Variants in KLHL31 observed in about 807,000 individuals in gnomAD.
The protein encoded by KLHL31 is kelch-like protein 31.
KLHL31 carries 32 observed loss-of-function variants against 47.1 expected under a neutral mutation model. That is an observed-to-expected ratio of 0.68 (90% CI 0.51 to 0.91). KLHL31 has a LOEUF of 0.91. KLHL31 is among the 40% of genes least tolerant of loss of function. KLHL31 has a pLI of 0.00. For synonymous variants in KLHL31, 330 were observed against 325.1 expected (o/e 1.01, Z -0.16); for missense variants, 797 against 819.3 (o/e 0.97, Z 0.33).
chr6:53,657,373 C>T (rs964396082), intron 1 of KLHL31, among the ~76,000 whole-genome samples: 4 of 152,184 alleles, frequency 2.6e-5, no homozygotes, highest in African/African-American at 9.7e-5. Context: ...CCAGCTCCAA[C>T]ATAACACTAT....
intron 1 of KLHL31, among the ~76,000 whole-genome samples, chr6:53,658,233 T>C (rs1041184170): frequency 2.6e-5 from 4 of 151,774 alleles, no homozygotes; most frequent in South Asian, 2.1e-4. Context: ...AGAGAAAATT[T>C]TGGGGGGAAA....
chr6:53,654,451 G>A lies in KLHL31; in HGVS notation c.822C>T (p.Ser274=), dbSNP rs1378971513. The A allele has an allele frequency of 8.7e-6, 14 of 1,613,988 alleles. No individual in the cohort carries two copies. Among genetic ancestry groups the A allele is most frequent in the East Asian group, 4.5e-5 (2 of 44,898 alleles). Residue 274 remains serine (S), a synonymous_variant, in exon 2 of 3, where the codon TCC becomes TCT. Coordinates refer to ENST00000370905, the MANE Select transcript of KLHL31 (RefSeq NM_001003760.5). ...CAGCATCTTGCATCATTCTTGGTAC[G>A]GATTGAACATAATTGACCAGGTCTT... The part of the protein sequence containing the change: ...SAQDLVNYVQ[S]VPRMMQDADC...
At chr6:53,658,853 C>A (rs1764609205) in intron 1 of KLHL31, among the ~76,000 whole-genome samples, 1 of 152,062 alleles carries the variant, frequency 6.6e-6, no homozygotes, top group African/African-American at 2.4e-5. Flanking sequence ...AATAGGATGA[C>A]AATGAAAATA....
chr6:53,655,456 T>G (rs769781903), intron 1 of KLHL31, among the ~76,000 whole-genome samples, 151 bp from the exon 2 acceptor site: 1 of 152,226 alleles, frequency 6.6e-6, no homozygotes, highest in Non-Finnish European at 1.5e-5. Flanking sequence ...TTAAACTAGA[T>G]GTACATTTTA....
chr6:53,650,532 T>A lies in KLHL31; in HGVS notation c.*1066A>T, dbSNP rs1158625703. 1.3e-5 allele frequency: 2 copies of A among 152,234 alleles called. No homozygotes were observed. Among genetic ancestry groups the A allele is most frequent in the East Asian group, 3.8e-4 (2 of 5,204 alleles). 9.4% of individuals were successfully genotyped at this position (152,234 alleles called of 1,614,324 possible). A position where few individuals can be genotyped will look rare whatever the true frequency, so the allele number is the denominator to read the frequency against. The stretch of plus-strand genomic sequence containing the variant: ...CAGGAGAACCCATTCATCCAGTTAC[T>A]ACCAAATCTACAAATTCCAAATGTT... On this transcript the variant is annotated 3_prime_UTR_variant, in exon 3 of 3. Coordinates refer to ENST00000370905, the MANE Select transcript of KLHL31 (RefSeq NM_001003760.5).
chr6:53,664,690 A>G (rs1318818708), intron 1 of KLHL31, among the ~76,000 whole-genome samples: 3 of 152,214 alleles, frequency 2.0e-5, no homozygotes, highest in African/African-American at 7.2e-5. Flanking sequence ...GGAGTCCACA[A>G]CAGGGTAAAC....
chr6:53,648,809 T>G lies in KLHL31; in HGVS notation c.*2789A>C, dbSNP rs2127366622. 6.6e-6 allele frequency: 1 copy of G among 152,298 alleles called. No homozygotes were observed. Among genetic ancestry groups the G allele is most frequent in the East Asian group, 1.9e-4 (1 of 5,194 alleles). The allele number at this position is 152,298 out of a possible 1,614,324, so 9.4% of individuals were successfully genotyped here. A position where few individuals can be genotyped will look rare whatever the true frequency, so the allele number is the denominator to read the frequency against. On this transcript the variant is annotated 3_prime_UTR_variant, in exon 3 of 3. Transcript: ENST00000370905. The stretch of plus-strand genomic sequence containing the variant: ...CTAACTAAAAATGGACAAAGTATGT[T>G]AAAGTTTGGCTTCCTGGAGACTTTC...
Position 53,652,071 on chromosome 6 carries a change from C to T in KLHL31, c.1432G>A (p.Ala478Thr). 2 of 1,596,942 alleles carry T rather than the reference C, an allele frequency of 1.3e-6. No individual in the cohort carries two copies. Among genetic ancestry groups the T allele is most frequent in the Non-Finnish European group, 1.7e-6 (2 of 1,176,798 alleles). ...TAGGCGCACACAGAGCGCGAGTAGG[C>T]GTTGGCTATGTAGCCTCCGGTCACC... is the stretch of plus-strand genomic sequence containing the variant. ...VLVTGGYIANAYSRSVCAYDP... is the reference protein window; with the variant it reads ...VLVTGGYIANTYSRSVCAYDP... The change falls in exon 3 of 3, where the codon GCC becomes ACC. Residue 478 changes from alanine to threonine, a missense_variant. Coordinates refer to ENST00000370905, the MANE Select transcript of KLHL31 (RefSeq NM_001003760.5).
chr6:53,664,839 C>T (rs747997850), intron 1 of KLHL31, among the ~76,000 whole-genome samples: 24 of 152,248 alleles, frequency 1.6e-4, no homozygotes, highest in African/African-American at 2.4e-4. Context: ...CTGCATCTGT[C>T]GGGGCTCATC....
chr6:53,656,826 A>G (rs1464856029), intron 1 of KLHL31, among the ~76,000 whole-genome samples: 2 of 152,274 alleles, frequency 1.3e-5, no homozygotes, highest in South Asian at 2.1e-4. Context: ...TCCAGAAGCT[A>G]TAAAAGAAAA....
chr6:53,657,288 A>G (rs1004135825), intron 1 of KLHL31, among the ~76,000 whole-genome samples: 8 of 152,284 alleles, frequency 5.3e-5, no homozygotes, highest in Admixed American at 5.2e-4. Flanking sequence ...ACTGATTTCA[A>G]GCTATCAACT....
chr6:53,651,728 T>C lies in KLHL31; in HGVS notation c.1775A>G (p.Asn592Ser), dbSNP rs952913141. Residue 592 changes from asparagine (N) to serine (S), a missense_variant, in exon 3 of 3, where the codon AAC becomes AGC. Coordinates refer to ENST00000370905, the MANE Select transcript of KLHL31 (RefSeq NM_001003760.5). ...TAGCTCGTCGTCCTCCGTCCACTCG[T>C]TGAGCTCGGGGCTGAAGCACTGGAT... is the stretch of plus-strand genomic sequence containing the variant. The part of the protein sequence containing the change: ...KCIQCFSPEL[N>S]EWTEDDELPE... 1 of 1,614,202 alleles carries C rather than the reference T, an allele frequency of 6.2e-7. No individual in the cohort carries two copies.
At chr6:53,660,150 A>G (rs1183581505) in intron 1 of KLHL31, among the ~76,000 whole-genome samples, 2 of 152,144 alleles carry the variant, frequency 1.3e-5, no homozygotes, top group African/African-American at 4.8e-5. Context: ...GTGTCCTTCT[A>G]TAATTCACAT....
intron 1 of KLHL31, among the ~76,000 whole-genome samples, chr6:53,658,569 C>T (rs1041525381): frequency 1.3e-5 from 2 of 151,752 alleles, no homozygotes; most frequent in African/African-American, 4.8e-5. Context: ...GATAATAGAC[C>T]GAGGAGAGGG....
At chr6:53,665,038 A>C (rs910155163) in intron 1 of KLHL31, among the ~76,000 whole-genome samples, 9 of 150,946 alleles carry the variant, frequency 6.0e-5, no homozygotes, top group Admixed American at 1.3e-4. Flanking sequence ...TTTTAGCCAA[A>C]TAACAAATTT....
At chr6:53,664,532 G>T (rs368529017) in intron 1 of KLHL31, among the ~76,000 whole-genome samples, 1 of 152,284 alleles carries the variant, frequency 6.6e-6, no homozygotes, top group African/African-American at 2.4e-5. Context: ...TCTGTAAGTG[G>T]GCAAGTCCAT....
At position 53,655,305 on chromosome 6, in the gene KLHL31, G is replaced by T. The variant is rs778272996; in HGVS notation, c.-33C>A. 3 of 1,377,114 alleles carry T rather than the reference G, an allele frequency of 2.2e-6. No individual in the cohort carries two copies. Among genetic ancestry groups the T allele is most frequent in the Admixed American group, 2.6e-5 (1 of 38,416 alleles). The allele number at this position is 1,377,114 out of a possible 1,614,324, so 85.3% of individuals were successfully genotyped here. A position where few individuals can be genotyped will look rare whatever the true frequency, so the allele number is the denominator to read the frequency against. ...AATACACTGTTACAGGCAAGAGCTT[G>T]CTAAAAAGAGAAAAAAAAAAACATG... On this transcript the variant is annotated splice_region_variant and 5_prime_UTR_variant, in exon 2 of 3. Transcript: ENST00000370905.
rs2127367094 is a variant in KLHL31, at chr6:53,650,533, A to ACCAAATCTACAAAT, written c.*1051_*1064dup. 1 of 152,362 alleles carries ACCAAATCTACAAAT rather than the reference A, an allele frequency of 6.6e-6. No homozygotes were observed. The highest frequency in any genetic ancestry group is 1.9e-4 in the East Asian group (1 of 5,192). The allele number at this position is 152,362 out of a possible 1,614,324, so 9.4% of individuals were successfully genotyped here. A position where few individuals can be genotyped will look rare whatever the true frequency, so the allele number is the denominator to read the frequency against. Reference sequence around the variant, plus strand: ...AGGAGAACCCATTCATCCAGTTACTACCAAATCTACAAATTCCAAATGTTT... The same window carrying ACCAAATCTACAAAT: ...AGGAGAACCCATTCATCCAGTTACTACCAAATCTACAAATCCAAATCTACAAATTCCAAATGTTT... On this transcript the variant is annotated 3_prime_UTR_variant, in exon 3 of 3. Coordinates refer to ENST00000370905, the MANE Select transcript of KLHL31 (RefSeq NM_001003760.5).
rs1378666238 is a variant in KLHL31, at chr6:53,654,071, CATTT to C, written c.1172+26_1172+29del. ...GGGCTATTTCCCTATAATATTGAGC[CATTT>C]CAGTTCCTAATAAAAGATCAAGTAC... is the stretch of plus-strand genomic sequence containing the variant. On this transcript the variant is annotated intron_variant, in intron 2 of 2. Transcript: ENST00000370905. 2.6e-6 allele frequency: 4 copies of C among 1,533,078 alleles called. No individual in the cohort carries two copies. The Admixed American group carries it at 7.7e-5, about 30-fold the overall frequency. The allele number at this position is 1,533,078 out of a possible 1,614,324, so 95.0% of individuals were successfully genotyped here.
Sources: gnomAD v4.1 joint callset for allele counts (sites outside exome capture counted in the v4.1 genomes callset) on GRCh38, gnomAD v4.1.1 for gene constraint, MANE v1.5 for transcripts, NCBI Gene and HGNC (gene_info 2026-07-23, HGNC 2026-07-21) for gene names.